TMX3: variants seen among roughly 807,000 people sequenced by gnomAD.
TMX3 encodes the protein protein disulfide-isomerase TMX3.
In TMX3, 40 loss-of-function variants were observed where a neutral mutation model predicts 64.4. That is an observed-to-expected ratio of 0.62 (90% CI 0.48 to 0.81). The LOEUF is 0.81. TMX3 is among the 30% of genes least tolerant of loss of function. The pLI, the probability that TMX3 is intolerant of heterozygous loss-of-function variation, is 0.00. For missense variants in TMX3, 497 were observed against 534.5 expected (o/e 0.93, Z 0.69); for synonymous variants, 189 against 175.7 (o/e 1.08, Z -0.60).
intron 9 of TMX3, chr18:68,690,001 T>C (rs1914357542): frequency 6.6e-6 from 1 of 152,190 alleles, no homozygotes; most frequent in Non-Finnish European, 1.5e-5. Flanking sequence ...CAAATAAAAT[T>C]CAGCTCTCAC....
chr18:68,707,595 C>A (rs903753157), intron 4 of TMX3, among the ~76,000 whole-genome samples: 6 of 152,122 alleles, frequency 3.9e-5, no homozygotes, highest in African/African-American at 1.2e-4. Context: ...GGTTTATATG[C>A]ACTATTTTTC....
At chr18:68,678,073 T>C (rs899059219) in intron 15 of TMX3, among the ~76,000 whole-genome samples, 1 of 151,960 alleles carries the variant, frequency 6.6e-6, no homozygotes, top group Non-Finnish European at 1.5e-5. Context: ...TGGAATATAA[T>C]ATAGATTGGA....
intron 4 of TMX3, among the ~76,000 whole-genome samples, chr18:68,702,114 T>A (rs2030148353): frequency 1.4e-5 from 2 of 142,368 alleles, no homozygotes; most frequent in South Asian, 4.5e-4. Flanking sequence ...AATACGTAAG[T>A]ACTTCTCATT....
intron 4 of TMX3, among the ~76,000 whole-genome samples, chr18:68,709,086 A>G (rs919985355): frequency 6.6e-6 from 1 of 152,174 alleles, no homozygotes; most frequent in African/African-American, 2.4e-5. Context: ...AAAAGATTTT[A>G]TATCTGCTGG....
Position 68,681,083 on chromosome 18 carries a change from T to C in TMX3, c.933A>G (p.Val311=), listed in dbSNP as rs1913377096. ...AATATTGCTGGTTTGAAGTATTCAG[T>C]ACAACTACAGTTGGGACTGTCAATT... The part of the protein sequence containing the change: ...MDELTVPTVV[V]LNTSNQQYFL... The change falls in exon 14 of 16, where the codon GTA becomes GTG. Residue 311 remains valine, a synonymous_variant. Coordinates refer to ENST00000299608, the MANE Select transcript of TMX3 (RefSeq NM_019022.5). 5 of 1,591,674 alleles carry C rather than the reference T, an allele frequency of 3.1e-6. No homozygotes were observed. Among genetic ancestry groups the C allele is most frequent in the Admixed American group, 1.8e-5 (1 of 56,384 alleles).
intron 10 of TMX3, 146 bp from the exon 11 acceptor site, chr18:68,684,631 C>T: frequency 7.4e-6 from 5 of 676,706 alleles, no homozygotes; most frequent in Non-Finnish European, 1.2e-5. Context: ...ATTAAATCAA[C>T]ACATTACGGT....
chr18:68,707,935 A>ATG (rs141173950), intron 4 of TMX3, among the ~76,000 whole-genome samples: 8,992 of 151,318 alleles, frequency 0.059, 326 homozygotes, highest in East Asian at 0.11. Context: ...ATGTGTATAT[A>ATG]TGTGTATATA....
Position 68,700,477 on chromosome 18 carries a change from C to T in TMX3, c.320G>A (p.Gly107Glu). Reference protein sequence around the residue: ...RGYPTIKLLKGDLAYNYRGPR... With the variant: ...RGYPTIKLLKEDLAYNYRGPR... ...TCCTCTATAATTATATGCCAAGTCC[C>T]CTTTTAATCTTTAAAAAAAAAAAAA... The change falls in exon 6 of 16, where the codon GGG (glycine) becomes GAG (glutamate). Residue 107 changes from glycine (G) to glutamate (E), a missense_variant. Physicochemically the swap from Gly to Glu is moderately conservative, Grantham distance 98 (BLOSUM62 -2). This residue lies in a region of TMX3 where 360 missense variants were observed against 383.5 expected (regional missense o/e 0.94). Transcript: ENST00000299608. The T allele has an allele frequency of 6.5e-7, 1 of 1,540,038 alleles. No homozygotes were observed. The highest frequency in any genetic ancestry group is 8.7e-7 in the Non-Finnish European group (1 of 1,147,748).
chr18:68,707,809 T>C, intron 4 of TMX3, among the ~76,000 whole-genome samples: 1 of 152,144 alleles, frequency 6.6e-6, no homozygotes, highest in Admixed American at 6.5e-5. Context: ...CTCTAGAGAT[T>C]AGCACAGTGT....
intron 8 of TMX3, among the ~76,000 whole-genome samples, chr18:68,694,578 A>G (rs1568189641): frequency 1.3e-5 from 2 of 152,172 alleles, no homozygotes; most frequent in Non-Finnish European, 2.9e-5. Context: ...GCAGCCTGCC[A>G]GGCTGAGTGG....
chr18:68,698,255 A>G (rs1311836739), intron 6 of TMX3, among the ~76,000 whole-genome samples: 1 of 152,232 alleles, frequency 6.6e-6, no homozygotes, highest in African/African-American at 2.4e-5. Flanking sequence ...TTAATCTATC[A>G]GTTTCAAAAT....
intron 8 of TMX3, among the ~76,000 whole-genome samples, chr18:68,692,758 C>G (rs1914647422): frequency 6.6e-6 from 1 of 152,126 alleles, no homozygotes; most frequent in South Asian, 2.1e-4. Context: ...AATGCCTAAA[C>G]AAACTAGCTG....
At chr18:68,710,656 G>A (rs2031186184) in intron 3 of TMX3, among the ~76,000 whole-genome samples, 1 of 152,180 alleles carries the variant, frequency 6.6e-6, no homozygotes, top group African/African-American at 2.4e-5. Context: ...TTAAACTGAA[G>A]TCAGTCTTTT....
intron 4 of TMX3, among the ~76,000 whole-genome samples, chr18:68,702,684 A>G (rs913156128): frequency 1.3e-5 from 2 of 152,148 alleles, no homozygotes; most frequent in Non-Finnish European, 2.9e-5. Context: ...TCCCTTTATA[A>G]TTGTCTTTGT....
chr18:68,694,149 T>C lies in TMX3; in HGVS notation c.571-2788A>G, dbSNP rs190790295. On this transcript the variant is annotated intron_variant, in intron 8 of 15. Coordinates refer to ENST00000299608, the MANE Select transcript of TMX3 (RefSeq NM_019022.5). The stretch of plus-strand genomic sequence containing the variant: ...CTGAATGGAGGGACTGAAGGGGCTG[T>C]AATGCAAACAGGGCTGAAACATACC... 3.3e-3 allele frequency among the ~76,000 whole-genome samples: 504 copies of C among 152,238 alleles called. 9 individuals carry two copies. The highest frequency in any genetic ancestry group is 0.01 in the Middle Eastern group (3 of 294).
At chr18:68,696,733 TC>T (rs1156825943) in intron 8 of TMX3, among the ~76,000 whole-genome samples, 4 of 152,116 alleles carry the variant, frequency 2.6e-5, no homozygotes, top group Admixed American at 1.3e-4. Flanking sequence ...TGTCTAGGCC[TC>T]CCAAAGTGCT....
At chr18:68,685,414 A>T (rs981651923) in intron 10 of TMX3, among the ~76,000 whole-genome samples, 1 of 151,996 alleles carries the variant, frequency 6.6e-6, no homozygotes, top group African/African-American at 2.4e-5. Context: ...CAGTCTTCTA[A>T]CTCTCTGATG....
intron 8 of TMX3, among the ~76,000 whole-genome samples, chr18:68,695,901 C>G (rs955248972): frequency 6.6e-6 from 1 of 152,210 alleles, no homozygotes; most frequent in Admixed American, 6.5e-5. Context: ...GCCCTCCACC[C>G]ACTTCCCATC....
chr18:68,685,405 A>G (rs145021325), intron 10 of TMX3, among the ~76,000 whole-genome samples: 124 of 152,272 alleles, frequency 8.1e-4, no homozygotes, highest in African/African-American at 2.9e-3. Context: ...CACAACCTTC[A>G]GTCTTCTAAC....
Sources: gnomAD v4.1 joint callset for allele counts (sites outside exome capture counted in the v4.1 genomes callset) on GRCh38, gnomAD v4.1.1 for gene constraint, gnomAD v4.1.1 regional missense constraint, MANE v1.5 for transcripts, NCBI Gene and HGNC (gene_info 2026-07-23, HGNC 2026-07-21) for gene names.